Variants in PIGG observed in about 807,000 individuals in gnomAD.
PIGG encodes the protein phosphatidylinositol glycan anchor biosynthesis class G (EMM blood group), also known as GPI ethanolamine phosphate transferase 2, catalytic subunit.
In PIGG, 70 loss-of-function variants were observed where a neutral mutation model predicts 83.2. That is an observed-to-expected ratio of 0.84 (90% CI 0.69 to 1.03). The LOEUF (loss-of-function observed/expected upper bound fraction) is 1.03, where lower values mean the gene tolerates loss of function less well. Among genes scored for constraint, PIGG ranks in the 50% least tolerant of loss-of-function variants. The probability of loss-of-function intolerance (pLI) is 0.00; values close to 1 mark genes in which losing one functional copy is unlikely to be tolerated. For missense variants in PIGG, 1,257 were observed against 1,233.6 expected, an observed-to-expected ratio of 1.02 and a Z score of -0.28; for synonymous variants, 532 against 519.5, an observed-to-expected ratio of 1.02 and a Z score of -0.33.
rs567392594 is a variant in PIGG at position 499,422 on chromosome 4, G to A, written c.87G>A (p.Pro29=). The change falls in exon 1 of 13, where the codon CCG becomes CCA. Residue 29 remains proline, a synonymous_variant. Transcript: ENST00000453061. The part of the protein sequence containing the change: ...GIAVFLRGFF[P]APVRSSARAE... ...CGGTCTTCCTTCGGGGATTCTTCCC[G>A]GCTCCCGTTCGTTCCTCTGCCAGAG... 2.5e-6 allele frequency: 4 copies of A among 1,607,904 alleles called. No homozygotes were observed. Among genetic ancestry groups the A allele is most frequent in the East Asian group, 2.2e-5 (1 of 44,836 alleles).
rs182566915 is a variant in PIGG, at chr4:513,376, G to A, written c.902-2597G>A. Among the ~76,000 whole-genome samples the A allele has an allele frequency of 1.5e-3, 234 of 152,234 alleles. 1 individual carries two copies. Among genetic ancestry groups the A allele is most frequent in the African/African-American group, 5.5e-3 (228 of 41,536 alleles). Reference sequence around the variant, plus strand: ...ATTATTTTGAAAATAAGCGGTTTTGGATTGTGTAGTGAGTGACTTCAGAGA... The same window carrying A: ...ATTATTTTGAAAATAAGCGGTTTTGAATTGTGTAGTGAGTGACTTCAGAGA... On this transcript the variant is annotated intron_variant, in intron 5 of 12. Coordinates refer to ENST00000453061, the MANE Select transcript of PIGG (RefSeq NM_001127178.3).
At chr4:504,671 C>T (rs1480201067) in intron 2 of PIGG, among the ~76,000 whole-genome samples, 1 of 152,054 alleles carries the variant, frequency 6.6e-6, no homozygotes, top group African/African-American at 2.4e-5. Context: ...CTGATGTTAC[C>T]CAGGTTCCCG....
chr4:527,889 T>C, intron 10 of PIGG: 1 of 985,440 alleles, frequency 1.0e-6, no homozygotes, highest in Non-Finnish European at 1.2e-6. Flanking sequence ...GGTGACCCTC[T>C]ATTTAAATTT....
intron 8 of PIGG, chr4:522,273 G>A (rs910809946): frequency 2.0e-5 from 11 of 556,446 alleles, no homozygotes; most frequent in Non-Finnish European, 2.6e-5. Context: ...TGTGTGAATC[G>A]GACAGCCTCC....
At chr4:516,334 C>T (rs1723846546) in intron 6 of PIGG, 149 bp downstream of exon 6, 1 of 622,518 alleles carries the variant, frequency 1.6e-6, no homozygotes, top group East Asian at 2.7e-5. Flanking sequence ...TTTCTGTTTT[C>T]TTAGAACTTT....
rs1354561246 is a variant in PIGG at position 499,281 on chromosome 4, A to C, written c.-55A>C. The C allele has an allele frequency of 5.7e-6, 9 of 1,576,968 alleles. No individual in the cohort carries two copies. The South Asian group carries it at 1.0e-4, about 18-fold the overall frequency. On this transcript the variant is annotated 5_prime_UTR_variant, in exon 1 of 13. Transcript: ENST00000453061. ...TACCTGGAGCCGGAAGCGCGGCTGC[A>C]GCAGGGCGAGGCTCCAGGTGGGGTC...
intron 9 of PIGG, chr4:524,543 A>G (rs1235285124): frequency 2.6e-5 from 4 of 152,324 alleles, no homozygotes; most frequent in Non-Finnish European, 5.9e-5. Flanking sequence ...TTTAAACATC[A>G]GCTCTCTTGT....
intron 12 of PIGG, 52 bp downstream of exon 12, chr4:534,033 T>G (rs766217819): frequency 1.2e-5 from 18 of 1,544,166 alleles, no homozygotes; most frequent in Non-Finnish European, 1.6e-5. Context: ...CTGCCTGGTT[T>G]TAAGGGTCGT....
In PIGG at chr4:528,052, G is replaced by A. The variant is rs1728141118; in HGVS notation, c.2261+822G>A. ...CAGCAGCAATACAGTGATCCTCCCA[G>A]TGAGGTCGGTGCTCTGACAGTGACC... On this transcript the variant is annotated intron_variant, in intron 10 of 12. Transcript: ENST00000453061. This position sits in a 1 kb window ranked among gnomAD's most constrained non-coding sequence, Gnocchi z 4.8. 1 of 985,382 alleles carries A rather than the reference G, an allele frequency of 1.0e-6. No homozygotes were observed. Among genetic ancestry groups the A allele is most frequent in the South Asian group, 4.7e-5 (1 of 21,288 alleles). 61.0% of individuals were successfully genotyped at this position (985,382 alleles called of 1,614,324 possible).
Position 505,936 on chromosome 4 carries a change from TTAAAATAAGAAAATATATCATACTAGAA to T in PIGG, c.570+12_570+39del. The T allele has an allele frequency of 6.3e-7, 1 of 1,576,920 alleles. No homozygotes were observed. Among genetic ancestry groups the T allele is most frequent in the Non-Finnish European group, 8.7e-7 (1 of 1,147,816 alleles). ...TGTCAGATTACACAGAGGTCAGTTT[TTAAAATAAGAAAATATATCATACTAGAA>T]TATCATACTAGATAGAGCCTGGCAT... On this transcript the variant is annotated intron_variant, in intron 3 of 12. Coordinates refer to ENST00000453061, the MANE Select transcript of PIGG (RefSeq NM_001127178.3).
chr4:526,955 T>A, intron 9 of PIGG, 84 bp from the exon 10 acceptor site: 1 of 1,447,382 alleles, frequency 6.9e-7, no homozygotes, highest in Non-Finnish European at 9.4e-7. Context: ...TATTTTTTAA[T>A]ACCGTTCTTT....
At chr4:509,077 T>C in intron 5 of PIGG, 107 bp downstream of exon 5, 1 of 869,064 alleles carries the variant, frequency 1.2e-6, no homozygotes, top group East Asian at 2.6e-5. Flanking sequence ...AAGGTTGAAG[T>C]CCCCAAGCAA....
At chr4:506,021 A>G (rs1041051822) in intron 3 of PIGG, 94 bp downstream of exon 3, 1 of 846,818 alleles carries the variant, frequency 1.2e-6, no homozygotes, top group East Asian at 2.7e-5. Flanking sequence ...ATACCATTTT[A>G]TATTTGGTTT....
Position 528,840 on chromosome 4 carries a change from T to C in PIGG, c.2262-1596T>C. On this transcript the variant is annotated intron_variant, in intron 10 of 12. Transcript: ENST00000453061. This position sits in a 1 kb window ranked among gnomAD's most constrained non-coding sequence, Gnocchi z 4.8. Reference sequence around the variant, plus strand: ...CAGAACTAGCCAGTGTGCCTTTTCTTTCCACACGCACTGCCTGGTTCACCT... The same window carrying C: ...CAGAACTAGCCAGTGTGCCTTTTCTCTCCACACGCACTGCCTGGTTCACCT... The C allele has an allele frequency of 2.1e-6, 1 of 475,356 alleles. No individual in the cohort carries two copies. Among genetic ancestry groups the C allele is most frequent in the Non-Finnish European group, 2.8e-6 (1 of 363,572 alleles). 29.4% of individuals were successfully genotyped at this position (475,356 alleles called of 1,614,324 possible).
At chr4:501,364 C>G (rs1717664272) in intron 2 of PIGG, among the ~76,000 whole-genome samples, 1 of 152,122 alleles carries the variant, frequency 6.6e-6, no homozygotes, top group South Asian at 2.1e-4. Flanking sequence ...TGAGAAAGAA[C>G]AGGATGTGAT....
chr4:516,689 C>G (rs1256349567), intron 6 of PIGG, among the ~76,000 whole-genome samples: 1 of 151,966 alleles, frequency 6.6e-6, no homozygotes, highest in Non-Finnish European at 1.5e-5. Flanking sequence ...AACCCCGTCT[C>G]TACTAAAAAT....
At chr4:526,957 C>T in intron 9 of PIGG, 82 bp from the exon 10 acceptor site, 1 of 1,458,074 alleles carries the variant, frequency 6.9e-7, no homozygotes, top group South Asian at 1.3e-5. Flanking sequence ...TTTTTTAATA[C>T]CGTTCTTTGA....
At chr4:537,992 G>A (rs1465597436) in intron 12 of PIGG, among the ~76,000 whole-genome samples, 21 of 144,750 alleles carry the variant, frequency 1.5e-4, no homozygotes, top group African/African-American at 5.1e-4. Context: ...TGCATGTGGG[G>A]CCCAGACACA....
At position 528,050 on chromosome 4, in the gene PIGG, C is replaced by T. The variant is rs1728139374; in HGVS notation, c.2261+820C>T. On this transcript the variant is annotated intron_variant, in intron 10 of 12. Transcript: ENST00000453061. This position sits in a 1 kb window ranked among gnomAD's most constrained non-coding sequence, Gnocchi z 4.8. The stretch of plus-strand genomic sequence containing the variant: ...TCCAGCAGCAATACAGTGATCCTCC[C>T]AGTGAGGTCGGTGCTCTGACAGTGA... 2.0e-6 allele frequency: 2 copies of T among 985,322 alleles called. No individual in the cohort carries two copies. The highest frequency in any genetic ancestry group is 1.1e-4 in the East Asian group (1 of 8,794). The allele number at this position is 985,322 out of a possible 1,614,324, so 61.0% of individuals were successfully genotyped here.
Sources: allele counts gnomAD v4.1 joint callset (sites outside exome capture counted in the v4.1 genomes callset), GRCh38; gene constraint gnomAD v4.1.1; non-coding constraint Gnocchi (gnomAD v3.1); transcripts MANE v1.5; gene names NCBI Gene and HGNC (gene_info 2026-07-23, HGNC 2026-07-21).